Variants in HMGB1 observed in about 807,000 individuals in gnomAD.
HMGB1 encodes high mobility group protein B1.
For synonymous variants in HMGB1, 81 were observed against 84.0 expected, an observed-to-expected ratio of 0.96 and a Z score of 0.19; for missense variants, 79 against 253.5, an observed-to-expected ratio of 0.31 and a Z score of 4.67.
chr13:30,517,557 C>T (rs78242753), intron 1 of HMGB1, among the ~76,000 whole-genome samples: 9,905 of 152,190 alleles, frequency 0.065, 426 homozygotes, highest in East Asian at 0.19. Context: ...CCATGCCTGG[C>T]TAATTTTTGT....
intron 1 of HMGB1, among the ~76,000 whole-genome samples, chr13:30,514,695 C>T (rs544546691): frequency 6.6e-6 from 1 of 151,398 alleles, no homozygotes; most frequent in Admixed American, 6.6e-5. Flanking sequence ...GGCTATTCAT[C>T]AGCACCATCA....
intron 3 of HMGB1, among the ~76,000 whole-genome samples, chr13:30,462,947 G>A (rs1012367802): frequency 6.6e-6 from 1 of 152,142 alleles, no homozygotes; most frequent in East Asian, 1.9e-4. Flanking sequence ...TATTTCAAAG[G>A]GATAGTATTT....
chr13:30,523,781 C>A (rs1888293267), intron 1 of HMGB1, among the ~76,000 whole-genome samples: 1 of 148,690 alleles, frequency 6.7e-6, no homozygotes, highest in East Asian at 2.0e-4. Context: ...CACTCTATTG[C>A]CCAGGCTGGA....
intron 1 of HMGB1, chr13:30,464,656 G>A: frequency 1.0e-6 from 1 of 983,526 alleles, no homozygotes; most frequent in Non-Finnish European, 1.2e-6. Flanking sequence ...GGCTCCGCCC[G>A]CGGCCGCCGG....
chr13:30,538,126 T>C (rs1355921599), intron 1 of HMGB1, among the ~76,000 whole-genome samples: 1 of 152,208 alleles, frequency 6.6e-6, no homozygotes, highest in African/African-American at 2.4e-5. Flanking sequence ...TCCATGCTTT[T>C]CATTTCTGTT....
Position 30,555,135 on chromosome 13 carries a change from G to A in HMGB1, c.-15+61536C>T, listed in dbSNP as rs1180132320. Reference sequence around the variant, plus strand: ...CGGCTCACTGCAAGCTCCGCCTCCTGGGTTCACGCCATTCTCCTGCCTCAG... The same window carrying A: ...CGGCTCACTGCAAGCTCCGCCTCCTAGGTTCACGCCATTCTCCTGCCTCAG... On this transcript the variant is annotated intron_variant, in intron 1 of 4. Transcript: ENST00000405805. Among the ~76,000 whole-genome samples, 5 of 137,474 alleles carry A rather than the reference G, an allele frequency of 3.6e-5. No homozygotes were observed. In the East Asian group the frequency reaches 9.4e-4, roughly 26 times the overall value. 90.2% of individuals were successfully genotyped at this position (137,474 alleles called of 152,430 possible). A position where few individuals can be genotyped will look rare whatever the true frequency, so the allele number is the denominator to read the frequency against.
At chr13:30,567,331 C>T (rs1429777914) in intron 1 of HMGB1, among the ~76,000 whole-genome samples, 5 of 151,068 alleles carry the variant, frequency 3.3e-5, no homozygotes, top group Non-Finnish European at 7.4e-5. Flanking sequence ...ACTGATTTCA[C>T]TTGTTAACCA....
chr13:30,560,514 G>C (rs1869902398), intron 1 of HMGB1, among the ~76,000 whole-genome samples: 1 of 152,172 alleles, frequency 6.6e-6, no homozygotes, highest in African/African-American at 2.4e-5. Context: ...TAGGTCAGTA[G>C]CTAGAAGGAA....
chr13:30,497,281 C>A (rs1487250450), intron 1 of HMGB1, among the ~76,000 whole-genome samples: 3 of 152,120 alleles, frequency 2.0e-5, no homozygotes, highest in Admixed American at 6.6e-5. Flanking sequence ...GGCTTGAGTA[C>A]AGTGGTGCGA....
chr13:30,543,851 C>T (rs879321271), intron 1 of HMGB1, among the ~76,000 whole-genome samples: 12 of 152,180 alleles, frequency 7.9e-5, no homozygotes, highest in East Asian at 5.8e-4. Flanking sequence ...CTCTATAAAA[C>T]GAACTGAAAT....
intron 1 of HMGB1, among the ~76,000 whole-genome samples, chr13:30,501,948 G>A (rs577860232): frequency 1.3e-5 from 2 of 152,250 alleles, no homozygotes; most frequent in African/African-American, 2.4e-5. Flanking sequence ...GATTGTACAT[G>A]CTTTATAGCA....
intron 1 of HMGB1, among the ~76,000 whole-genome samples, chr13:30,564,995 G>A (rs1870128538): frequency 6.6e-6 from 1 of 152,184 alleles, no homozygotes; most frequent in African/African-American, 2.4e-5. Context: ...AATTAATGAA[G>A]TACATAGTCC....
rs368734356 is a variant in HMGB1, at chr13:30,459,821, GTTC to G, written c.*1533_*1535del. On this transcript the variant is annotated 3_prime_UTR_variant, in exon 5 of 5. Transcript: ENST00000341423. ...TTAAAAATATGTAACAAAATCTTAA[GTTC>G]TTAAGTGAAAGCCATTTAACTAGTA... The G allele has an allele frequency of 4.4e-4, 67 of 152,536 alleles. No homozygotes were observed. In the East Asian group the frequency reaches 7.3e-3, roughly 17 times the overall value. The allele number at this position is 152,536 out of a possible 1,614,324, so 9.4% of individuals were successfully genotyped here. A position where few individuals can be genotyped will look rare whatever the true frequency, so the allele number is the denominator to read the frequency against.
intron 1 of HMGB1, among the ~76,000 whole-genome samples, chr13:30,482,271 C>T (rs1020401098): frequency 6.6e-6 from 1 of 152,142 alleles, no homozygotes; most frequent in South Asian, 2.1e-4. Context: ...TCTCTTTTCT[C>T]TTCCCTTCTC....
upstream of HMGB1, among the ~76,000 whole-genome samples, chr13:30,469,655 G>T (rs992717821): frequency 6.8e-4 from 38 of 55,724 alleles, 11 homozygotes; most frequent in Non-Finnish European, 1.8e-3. Flanking sequence ...TATTTGAGAC[G>T]GAGTCTCCCT....
At chr13:30,617,327 T>A (rs977737794) in exon 1 of HMGB1, 1 of 152,180 alleles carries the variant, frequency 6.6e-6, no homozygotes. Flanking sequence ...CAGCTCCGTG[T>A]GTGATGACCC....
intron 1 of HMGB1, among the ~76,000 whole-genome samples, chr13:30,605,931 CCATTCTCCTA>C (rs1950454060): frequency 6.6e-6 from 1 of 152,120 alleles, no homozygotes; most frequent in African/African-American, 2.4e-5. Context: ...TAAAATAAGT[CCATTCTCCTA>C]CATAGCCATA....
chr13:30,524,256 G>A (rs1468144498), intron 1 of HMGB1, among the ~76,000 whole-genome samples: 1 of 150,800 alleles, frequency 6.6e-6, no homozygotes, highest in Non-Finnish European at 1.5e-5. Context: ...GTTGATGGGT[G>A]CAGCAAACCA....
chr13:30,543,589 A>T (rs1364828062), intron 1 of HMGB1: 1 of 152,156 alleles, frequency 6.6e-6, no homozygotes, highest in African/African-American at 2.4e-5. Flanking sequence ...CCTGTTGATT[A>T]ATTTAAGGAC....
Sources: gnomAD v4.1 joint callset for allele counts (sites outside exome capture counted in the v4.1 genomes callset) on GRCh38, gnomAD v4.1.1 for gene constraint, MANE v1.5 for transcripts, NCBI Gene and HGNC (gene_info 2026-07-23, HGNC 2026-07-21) for gene names.